The following SORCS3 variants were observed in gnomAD, a reference collection of about 807,000 sequenced individuals.
The protein encoded by SORCS3 is VPS10 domain-containing receptor SorCS3.
Under a neutral mutation model 146.3 loss-of-function variants are expected in SORCS3, and 57 were observed. That is an observed-to-expected ratio of 0.39 (90% CI 0.31 to 0.49). The LOEUF (loss-of-function observed/expected upper bound fraction) is 0.49, where lower values mean the gene tolerates loss of function less well. Ranked by LOEUF, SORCS3 falls within the 20% of genes least tolerant of loss-of-function variation. The pLI is 0.92. For synonymous variants in SORCS3, 653 were observed against 618.5 expected, an observed-to-expected ratio of 1.06 and a Z score of -0.83; for missense variants, 1,341 against 1,575.5, an observed-to-expected ratio of 0.85 and a Z score of 2.52.
chr10:104,921,805 C>T (rs1339647245), intron 3 of SORCS3, among the ~76,000 whole-genome samples: 1 of 152,102 alleles, frequency 6.6e-6, no homozygotes, highest in Admixed American at 6.6e-5. Context: ...GGTGCCACTA[C>T]CACAGGTATA....
chr10:104,907,987 A>AG (rs1239583029), intron 2 of SORCS3, among the ~76,000 whole-genome samples: 2 of 152,246 alleles, frequency 1.3e-5, no homozygotes, highest in African/African-American at 4.8e-5. Context: ...AATAGGCCAG[A>AG]GGGAAACATT....
rs559354389 is a variant in SORCS3 at position 104,776,635 on chromosome 10, T to C, written c.628-66157T>C. ...TCAAATATATAGTTTGCAAGGAAGA[T>C]TGTCTATTTATCTTTTCTTAAAGGG... On this transcript the variant is annotated intron_variant, in intron 1 of 26. Transcript: ENST00000369701. 1.3e-4 allele frequency among the ~76,000 whole-genome samples: 19 copies of C among 151,980 alleles called. No homozygotes were observed. In the East Asian group the frequency reaches 3.5e-3, roughly 28 times the overall value.
At position 104,784,975 on chromosome 10, in the gene SORCS3, C is replaced by T. The variant is rs926023451; in HGVS notation, c.628-57817C>T. On this transcript the variant is annotated intron_variant, in intron 1 of 26. Transcript: ENST00000369701. ...TGAGCTGTTGGGCACACCTCCCAGA[C>T]GGGGTGGTGGCCGGGCAGAGGGGCT... Among the ~76,000 whole-genome samples, 23 of 152,218 alleles carry T rather than the reference C, an allele frequency of 1.5e-4. No individual in the cohort carries two copies. The East Asian group carries it at 3.9e-3, about 26-fold the overall frequency.
At chr10:104,717,053 C>T (rs773510265) in intron 1 of SORCS3, among the ~76,000 whole-genome samples, 3 of 152,110 alleles carry the variant, frequency 2.0e-5, no homozygotes, top group Non-Finnish European at 4.4e-5. Flanking sequence ...CTTTGGAAGG[C>T]CAAGGCAGAA....
intron 5 of SORCS3, among the ~76,000 whole-genome samples, chr10:105,087,959 A>T (rs564890584): frequency 8.5e-5 from 13 of 152,304 alleles, no homozygotes; most frequent in African/African-American, 3.1e-4. Flanking sequence ...CAGGGCTGTC[A>T]TTAGCAGTAA....
intron 1 of SORCS3, among the ~76,000 whole-genome samples, chr10:104,700,737 T>C (rs2016270903): frequency 6.6e-6 from 1 of 152,150 alleles, no homozygotes; most frequent in Non-Finnish European, 1.5e-5. Context: ...TATGGTCTTT[T>C]GGCTTTAGGT....
intron 20 of SORCS3, among the ~76,000 whole-genome samples, chr10:105,240,948 ATATATATATAT>A (rs1332339246): frequency 4.7e-5 from 5 of 107,288 alleles, no homozygotes; most frequent in African/African-American, 1.5e-4. Flanking sequence ...ACTGAAAAAA[ATATATATATAT>A]ATATCTATAT....
intron 6 of SORCS3, among the ~76,000 whole-genome samples, chr10:105,103,417 A>C (rs1156882237): frequency 6.6e-6 from 1 of 152,162 alleles, no homozygotes; most frequent in Admixed American, 6.5e-5. Flanking sequence ...TGAGGCTGGG[A>C]GGTATTAGCC....
chr10:105,163,914 AC>A (rs2119517361), intron 11 of SORCS3, among the ~76,000 whole-genome samples: 1 of 151,370 alleles, frequency 6.6e-6, no homozygotes, highest in African/African-American at 2.4e-5. Context: ...ACACACACAC[AC>A]ACACACCAGT....
At chr10:105,012,112 A>G (rs2055139404) in intron 4 of SORCS3, among the ~76,000 whole-genome samples, 1 of 152,142 alleles carries the variant, frequency 6.6e-6, no homozygotes, top group Non-Finnish European at 1.5e-5. Flanking sequence ...CCAGCACAGC[A>G]TTGACATCTA....
At chr10:104,930,060 G>C in intron 3 of SORCS3, among the ~76,000 whole-genome samples, 1 of 81,852 alleles carries the variant, frequency 1.2e-5, no homozygotes, top group East Asian at 2.6e-4. Flanking sequence ...GAAAATGGCA[G>C]AGAAATAATT....
chr10:104,827,777 A>G (rs773652823), intron 1 of SORCS3, among the ~76,000 whole-genome samples: 2 of 152,194 alleles, frequency 1.3e-5, no homozygotes, highest in Admixed American at 6.5e-5. Context: ...AATCGATTAT[A>G]TAGTGTAGCC....
chr10:105,122,573 C>A (rs977252923), intron 7 of SORCS3, among the ~76,000 whole-genome samples: 37 of 152,082 alleles, frequency 2.4e-4, no homozygotes, highest in African/African-American at 8.7e-4. Flanking sequence ...TTAATATGCT[C>A]CTGATACTGT....
chr10:104,830,249 T>C (rs2017985459), intron 1 of SORCS3, among the ~76,000 whole-genome samples: 1 of 152,172 alleles, frequency 6.6e-6, no homozygotes, highest in East Asian at 1.9e-4. Context: ...TTTTTACGGC[T>C]GCATAGTATT....
chr10:104,807,989 C>T (rs542030038), intron 1 of SORCS3, among the ~76,000 whole-genome samples: 1 of 152,060 alleles, frequency 6.6e-6, no homozygotes, highest in Non-Finnish European at 1.5e-5. Context: ...TGTTCACAGT[C>T]GTAAATAATA....
intron 5 of SORCS3, among the ~76,000 whole-genome samples, chr10:105,061,475 T>G (rs2133718398): frequency 6.6e-6 from 1 of 151,754 alleles, no homozygotes; most frequent in African/African-American, 2.4e-5. Flanking sequence ...TTTGTATTTC[T>G]TAGTAGAGAC....
intron 24 of SORCS3, 79 bp from the exon 25 acceptor site, chr10:105,256,740 C>T: frequency 9.4e-7 from 1 of 1,062,344 alleles, no homozygotes; most frequent in Non-Finnish European, 1.4e-6. Flanking sequence ...GGCCTCCTTC[C>T]TGCAATGAAT....
At chr10:104,903,796 A>G (rs969120714) in intron 2 of SORCS3, among the ~76,000 whole-genome samples, 2 of 152,192 alleles carry the variant, frequency 1.3e-5, no homozygotes, top group African/African-American at 4.8e-5. Context: ...TACCTGGCAT[A>G]TTTGATATTA....
intron 3 of SORCS3, among the ~76,000 whole-genome samples, chr10:104,919,416 C>T (rs1354858822): frequency 1.3e-5 from 2 of 151,902 alleles, no homozygotes; most frequent in Non-Finnish European, 2.9e-5. Flanking sequence ...TGTAGCCAGG[C>T]ACAGTGGCTC....
Sources: gnomAD v4.1 joint callset for allele counts (sites outside exome capture counted in the v4.1 genomes callset) on GRCh38, gnomAD v4.1.1 for gene constraint, MANE v1.5 for transcripts, NCBI Gene and HGNC (gene_info 2026-07-23, HGNC 2026-07-21) for gene names.